The following CELF4 variants were observed in gnomAD, a reference collection of about 807,000 sequenced individuals.
CELF4 encodes CUG-BP- and ETR-3-like factor 4.
A neutral mutation model predicts 59.9 loss-of-function variants in CELF4; 18 were observed. The ratio of observed to expected loss-of-function variants is 0.30; its 90% CI spans 0.21 to 0.45. The LOEUF (loss-of-function observed/expected upper bound fraction) is 0.45, where lower values mean the gene tolerates loss of function less well. CELF4 is among the 20% of genes least tolerant of loss of function. CELF4 has a pLI of 1.00. For missense variants in CELF4, 456 were observed against 689.0 expected (o/e 0.66, Z 3.79); for synonymous variants, 261 against 267.1 (o/e 0.98, Z 0.22).
intron 1 of CELF4, among the ~76,000 whole-genome samples, chr18:37,529,513 A>G (rs2099967314): frequency 6.6e-6 from 1 of 152,194 alleles, no homozygotes; most frequent in Non-Finnish European, 1.5e-5. Flanking sequence ...CCAGCTCCCA[A>G]ATGGAGGAAA....
intron 2 of CELF4, among the ~76,000 whole-genome samples, chr18:37,458,004 T>G (rs1012655618): frequency 6.6e-6 from 1 of 151,562 alleles, no homozygotes; most frequent in African/African-American, 2.4e-5. Context: ...GTTGGCAGAG[T>G]GGGTGGGTGG....
At chr18:37,454,557 A>G (rs1224754106) in intron 2 of CELF4, among the ~76,000 whole-genome samples, 1 of 152,134 alleles carries the variant, frequency 6.6e-6, no homozygotes, top group African/African-American at 2.4e-5. Context: ...GTGTTCACCC[A>G]CAGCTTTGTT....
chr18:37,509,416 A>C (rs2099941799), intron 1 of CELF4, among the ~76,000 whole-genome samples: 1 of 151,846 alleles, frequency 6.6e-6, no homozygotes, highest in South Asian at 2.1e-4. Context: ...GGCATCTTTC[A>C]TTTGGTTGAC....
intron 2 of CELF4, among the ~76,000 whole-genome samples, chr18:37,414,503 C>CTTTTTTTTTT (rs55943928): frequency 7.8e-5 from 9 of 116,062 alleles, no homozygotes; most frequent in East Asian, 2.5e-4. Context: ...CTTTTCTTTT[C>CTTTTTTTTTT]TTTTTTTTTT....
intron 1 of CELF4, among the ~76,000 whole-genome samples, chr18:37,551,289 G>A (rs2099983096): frequency 6.6e-6 from 1 of 152,162 alleles, no homozygotes; most frequent in Non-Finnish European, 1.5e-5. Flanking sequence ...CTCCCCTAAA[G>A]AGCCAGCCCC....
intron 1 of CELF4, among the ~76,000 whole-genome samples, chr18:37,534,019 G>A (rs1158651323): frequency 3.3e-5 from 5 of 152,226 alleles, no homozygotes; most frequent in Admixed American, 2.6e-4. Context: ...TGCTGACCCA[G>A]CCAGGACTGT....
intron 2 of CELF4, among the ~76,000 whole-genome samples, chr18:37,385,457 T>C (rs2099089394): frequency 6.6e-6 from 1 of 151,852 alleles, no homozygotes; most frequent in Non-Finnish European, 1.5e-5. Flanking sequence ...TCAAGGGAAG[T>C]AGGGGTTGCT....
intron 2 of CELF4, among the ~76,000 whole-genome samples, chr18:37,391,453 G>A (rs1185008872): frequency 6.6e-6 from 1 of 152,210 alleles, no homozygotes; most frequent in Non-Finnish European, 1.5e-5. Flanking sequence ...GGCCCTCCTG[G>A]CTCAAGGTAG....
chr18:37,535,396 T>C (rs1299613550), intron 1 of CELF4, among the ~76,000 whole-genome samples: 1 of 152,232 alleles, frequency 6.6e-6, no homozygotes, highest in Non-Finnish European at 1.5e-5. Context: ...CAATTGCTCC[T>C]GTTTCAAAGA....
intron 3 of CELF4, among the ~76,000 whole-genome samples, chr18:37,287,217 A>T (rs1370949203): frequency 6.6e-6 from 1 of 152,094 alleles, no homozygotes; most frequent in Non-Finnish European, 1.5e-5. Context: ...TGATACCAAC[A>T]TGCAGGCAGG....
chr18:37,562,925 G>A (rs1306380075), intron 1 of CELF4, among the ~76,000 whole-genome samples: 1 of 152,178 alleles, frequency 6.6e-6, no homozygotes, highest in East Asian at 1.9e-4. Flanking sequence ...AGGGTGAGCT[G>A]CGACAACGAG....
chr18:37,490,548 G>T (rs1000983775), intron 1 of CELF4, among the ~76,000 whole-genome samples: 3 of 152,174 alleles, frequency 2.0e-5, no homozygotes, highest in Non-Finnish European at 4.4e-5. Flanking sequence ...TCCTTGGTGG[G>T]GTGGCTGTGG....
chr18:37,512,674 CTTCT>C (rs1225522641), intron 1 of CELF4, among the ~76,000 whole-genome samples: 1 of 151,350 alleles, frequency 6.6e-6, no homozygotes, highest in Non-Finnish European at 1.5e-5. Context: ...TTCTCCTCCT[CTTCT>C]TTCTTCTGTT....
chr18:37,334,423 G>A (rs778795285), intron 2 of CELF4, among the ~76,000 whole-genome samples: 2 of 152,182 alleles, frequency 1.3e-5, no homozygotes, highest in Non-Finnish European at 2.9e-5. Flanking sequence ...GGGGTCCTGG[G>A]CCTGGCGAGG....
intron 2 of CELF4, among the ~76,000 whole-genome samples, chr18:37,332,489 T>G (rs2097578491): frequency 1.3e-5 from 2 of 151,988 alleles, no homozygotes; most frequent in South Asian, 4.2e-4. Flanking sequence ...CTCCTCCTTC[T>G]CTCTGCTCTC....
chr18:37,519,974 G>C (rs1163781807), intron 1 of CELF4, among the ~76,000 whole-genome samples: 1 of 152,132 alleles, frequency 6.6e-6, no homozygotes, highest in Non-Finnish European at 1.5e-5. Context: ...CTGGGAAAAC[G>C]GGAGGGAGAA....
chr18:37,466,271 G>A lies in CELF4; in HGVS notation c.369+19254C>T, dbSNP rs1226823954. On this transcript the variant is annotated intron_variant, in intron 2 of 12. Transcript: ENST00000420428. ...GAAGGAAGTGGAAGAGGAGGAAGAA[G>A]GAATAAACACCCATCACATTAATAA... 2.0e-5 allele frequency among the ~76,000 whole-genome samples: 3 copies of A among 152,376 alleles called. No individual in the cohort carries two copies. The East Asian group carries it at 5.8e-4, about 29-fold the overall frequency.
intron 1 of CELF4, among the ~76,000 whole-genome samples, chr18:37,493,831 CTTTAA>C (rs1305554187): frequency 6.6e-6 from 1 of 152,180 alleles, no homozygotes; most frequent in Non-Finnish European, 1.5e-5. Flanking sequence ...AGTCTCCTCT[CTTTAA>C]ATCAGAAACT....
chr18:37,491,947 A>C (rs2099907109), intron 1 of CELF4, among the ~76,000 whole-genome samples: 1 of 152,152 alleles, frequency 6.6e-6, no homozygotes, highest in Non-Finnish European at 1.5e-5. Context: ...GAAGTGAAGG[A>C]AGTACAATTT....
Sources: allele counts gnomAD v4.1 joint callset (sites outside exome capture counted in the v4.1 genomes callset), GRCh38; gene constraint gnomAD v4.1.1; transcripts MANE v1.5; gene names NCBI Gene and HGNC (gene_info 2026-07-23, HGNC 2026-07-21).